ABHD3: variants seen among roughly 807,000 people sequenced by gnomAD.
ABHD3 encodes phospholipase ABHD3.
ABHD3 carries 46 observed loss-of-function variants against 48.8 expected under a neutral mutation model. The ratio of observed to expected loss-of-function variants is 0.94; its 90% CI spans 0.74 to 1.20. The LOEUF (loss-of-function observed/expected upper bound fraction) is 1.20. ABHD3 is among the 50% of genes most tolerant of loss of function. ABHD3 has a pLI of 0.00. For missense variants in ABHD3, 490 were observed against 497.8 expected (o/e 0.98, Z 0.15); for synonymous variants, 192 against 183.7 (o/e 1.04, Z -0.36).
intron 3 of ABHD3, among the ~76,000 whole-genome samples, chr18:21,693,875 C>T (rs558292215): frequency 1.8e-4 from 27 of 152,206 alleles, no homozygotes; most frequent in South Asian, 6.2e-4. Context: ...TGAGGGAAAG[C>T]GTGGTCAGAA....
At chr18:21,667,234 CTTTTTTTTTTTTTTTT>C (rs745430805) in intron 4 of ABHD3, among the ~76,000 whole-genome samples, 1 of 81,440 alleles carries the variant, frequency 1.2e-5, no homozygotes, top group Non-Finnish European at 2.2e-5. Context: ...CCACCACACC[CTTTTTTTTTTTTTTTT>C]TTTTTTTTTT....
At chr18:21,703,896 A>G in intron 1 of ABHD3, 149 bp from the exon 2 acceptor site, 2 of 779,278 alleles carry the variant, frequency 2.6e-6, no homozygotes, top group South Asian at 3.5e-5. Flanking sequence ...TCACAGTCAC[A>G]GAGGACTGAA....
intron 2 of ABHD3, among the ~76,000 whole-genome samples, chr18:21,702,796 C>T (rs894422463): frequency 6.6e-6 from 1 of 152,154 alleles, no homozygotes. Context: ...GCATTTAACC[C>T]TTGTTTGATT....
intron 8 of ABHD3, 53 bp downstream of exon 8, chr18:21,656,808 A>G: frequency 7.0e-7 from 1 of 1,437,836 alleles, no homozygotes; most frequent in South Asian, 1.4e-5. Context: ...TAAAAATAAC[A>G]ATATATTAAA....
At chr18:21,657,246 C>T in intron 6 of ABHD3, 94 bp from the exon 7 acceptor site, 2 of 1,143,620 alleles carry the variant, frequency 1.7e-6, no homozygotes, top group Non-Finnish European at 2.4e-6. Context: ...CAGCCTACCA[C>T]AGGGCACAAA....
intron 3 of ABHD3, among the ~76,000 whole-genome samples, chr18:21,699,133 C>G (rs1050517431): frequency 6.6e-6 from 1 of 151,328 alleles, no homozygotes; most frequent in Admixed American, 6.6e-5. Context: ...AGGCTGGTTT[C>G]GAACTCCTAA....
chr18:21,679,373 A>C (rs2039957452), intron 4 of ABHD3, among the ~76,000 whole-genome samples: 1 of 152,232 alleles, frequency 6.6e-6, no homozygotes, highest in South Asian at 2.1e-4. Flanking sequence ...AGAATAACCA[A>C]AGGTAATTAT....
chr18:21,679,361 G>A (rs1043327326), intron 4 of ABHD3, among the ~76,000 whole-genome samples: 8 of 152,134 alleles, frequency 5.3e-5, no homozygotes, highest in African/African-American at 1.9e-4. Context: ...TAATAAGGAT[G>A]TAGAATAACC....
intron 4 of ABHD3, among the ~76,000 whole-genome samples, chr18:21,668,197 T>C (rs1226024776): frequency 5.9e-5 from 2 of 34,000 alleles, no homozygotes; most frequent in South Asian, 9.6e-4. Flanking sequence ...CAAGAATCTA[T>C]CTCAAAAAAA....
intron 4 of ABHD3, among the ~76,000 whole-genome samples, chr18:21,674,329 C>T (rs1380111606): frequency 6.6e-6 from 1 of 151,610 alleles, no homozygotes; most frequent in Non-Finnish European, 1.5e-5. Context: ...GCAGCCTCAA[C>T]CTCCTGGGCT....
intron 3 of ABHD3, among the ~76,000 whole-genome samples, chr18:21,697,472 C>T (rs80152423): frequency 2.6e-5 from 4 of 151,942 alleles, no homozygotes; most frequent in Admixed American, 6.6e-5. Context: ...CTCCACCTCC[C>T]GAGTTCAAGC....
chr18:21,655,804 T>C (rs990430033), intron 8 of ABHD3, among the ~76,000 whole-genome samples: 2 of 148,624 alleles, frequency 1.3e-5, no homozygotes, highest in African/African-American at 5.0e-5. Flanking sequence ...CACTCCAGCC[T>C]GGGTGGCAGA....
intron 3 of ABHD3, among the ~76,000 whole-genome samples, chr18:21,685,483 T>C (rs1004932291): frequency 6.6e-6 from 1 of 152,236 alleles, no homozygotes; most frequent in Admixed American, 6.5e-5. Context: ...GAAATCCTAT[T>C]TGAGAAAAAG....
At chr18:21,695,871 T>C (rs2040358324) in intron 3 of ABHD3, among the ~76,000 whole-genome samples, 1 of 152,178 alleles carries the variant, frequency 6.6e-6, no homozygotes, top group Admixed American at 6.5e-5. Context: ...CTAGACTGTA[T>C]GCTCTTTGGG....
intron 4 of ABHD3, among the ~76,000 whole-genome samples, chr18:21,677,917 CCT>C (rs1374730387): frequency 6.6e-6 from 1 of 151,710 alleles, no homozygotes; most frequent in African/African-American, 2.4e-5. Context: ...CCCGCCTCAG[CCT>C]CCCAAAGTGC....
At chr18:21,703,560 G>T in intron 2 of ABHD3, 24 bp downstream of exon 2, 1 of 1,591,846 alleles carries the variant, frequency 6.3e-7, no homozygotes, top group South Asian at 1.1e-5. Context: ...TTGCAGAAAT[G>T]ACTGAAAACG....
At chr18:21,693,611 C>T (rs2040302521) in intron 3 of ABHD3, among the ~76,000 whole-genome samples, 1 of 152,070 alleles carries the variant, frequency 6.6e-6, no homozygotes, top group South Asian at 2.1e-4. Flanking sequence ...CAATTAGTGC[C>T]CTAGAGAATG....
chr18:21,686,091 G>A (rs1255471697), intron 3 of ABHD3, among the ~76,000 whole-genome samples: 1 of 152,142 alleles, frequency 6.6e-6, no homozygotes, highest in African/African-American at 2.4e-5. Flanking sequence ...TGATCCTCCT[G>A]CCTTGGCCTC....
At chr18:21,667,540 C>G (rs570602049) in intron 4 of ABHD3, among the ~76,000 whole-genome samples, 2 of 152,016 alleles carry the variant, frequency 1.3e-5, no homozygotes, top group African/African-American at 2.4e-5. Context: ...CGCGCCCAGC[C>G]GAAAATTATA....
Sources: allele counts gnomAD v4.1 joint callset (sites outside exome capture counted in the v4.1 genomes callset), GRCh38; gene constraint gnomAD v4.1.1; transcripts MANE v1.5; gene names NCBI Gene and HGNC (gene_info 2026-07-23, HGNC 2026-07-21).